The following DPYD variants were observed in gnomAD, a reference collection of about 807,000 sequenced individuals.
DPYD encodes the protein dihydropyrimidine dehydrogenase [NADP(+)].
Under a neutral mutation model 116.2 loss-of-function variants are expected in DPYD, and 109 were observed. The ratio of observed to expected loss-of-function variants is 0.94; its 90% confidence interval spans 0.80 to 1.10. The LOEUF (loss-of-function observed/expected upper bound fraction) is 1.10. Ranked by LOEUF, DPYD falls within the 50% of genes least tolerant of loss-of-function variation. The pLI is 0.00. For missense variants in DPYD, 1,302 were observed against 1,254.5 expected, an observed-to-expected ratio of 1.04 and a Z score of -0.57; for synonymous variants, 440 against 432.0, an observed-to-expected ratio of 1.02 and a Z score of -0.23.
At chr1:97,159,960 GT>G (rs1655769372) in intron 20 of DPYD, among the ~76,000 whole-genome samples, 2 of 151,650 alleles carry the variant, frequency 1.3e-5, no homozygotes, top group South Asian at 4.2e-4. Flanking sequence ...CCTCTCTCCT[GT>G]CCTTCTTTTC....
At chr1:97,800,774 A>T (rs1260004881) in intron 3 of DPYD, among the ~76,000 whole-genome samples, 1 of 151,874 alleles carries the variant, frequency 6.6e-6, no homozygotes, top group Non-Finnish European at 1.5e-5. Context: ...AGGAATCCCC[A>T]CAAGTGTAAC....
In DPYD at chr1:97,720,077, T is replaced by TC. The variant is rs974099419; in HGVS notation, c.483+1432dup. The TC allele has an allele frequency of 5.1e-6, 5 of 984,760 alleles. No homozygotes were observed. In the African/African-American group the frequency reaches 8.8e-5, roughly 17 times the overall value. 61.0% of individuals were successfully genotyped at this position (984,760 alleles called of 1,614,324 possible). A position where few individuals can be genotyped will look rare whatever the true frequency, so the allele number is the denominator to read the frequency against. On this transcript the variant is annotated intron_variant, in intron 5 of 22. Transcript: ENST00000370192. ...GTAAGAGTTCCCAGAGGGACAGTGTTCCCAGAGAAAAGAATTAAAACCATG... is the reference window on the plus strand; with the variant it reads ...GTAAGAGTTCCCAGAGGGACAGTGTTCCCCAGAGAAAAGAATTAAAACCATG...
intron 4 of DPYD, among the ~76,000 whole-genome samples, chr1:97,726,122 T>C (rs1484491891): frequency 2.6e-5 from 4 of 151,670 alleles, no homozygotes; most frequent in African/African-American, 9.6e-5. Flanking sequence ...CAATAAAACA[T>C]AACTTTTGGA....
At chr1:97,365,995 G>A (rs1367607944) in intron 16 of DPYD, among the ~76,000 whole-genome samples, 1 of 152,084 alleles carries the variant, frequency 6.6e-6, no homozygotes, top group Non-Finnish European at 1.5e-5. Flanking sequence ...AATATTTCCT[G>A]ACCTAGAACT....
intron 11 of DPYD, among the ~76,000 whole-genome samples, chr1:97,555,940 C>G (rs1210701931): frequency 6.6e-6 from 1 of 152,160 alleles, no homozygotes; most frequent in Admixed American, 6.6e-5. Context: ...AATTTAAAAC[C>G]ATTCCACATC....
intron 20 of DPYD, among the ~76,000 whole-genome samples, chr1:97,111,955 A>G (rs1249696395): frequency 1.1e-4 from 16 of 152,118 alleles, no homozygotes; most frequent in Admixed American, 1.0e-3. Flanking sequence ...ATAAGGTTGT[A>G]AAGATTATAT....
At chr1:97,508,199 A>G (rs533268111) in intron 13 of DPYD, among the ~76,000 whole-genome samples, 2 of 152,066 alleles carry the variant, frequency 1.3e-5, no homozygotes, top group East Asian at 1.9e-4. Context: ...AAAACAACCA[A>G]TGTAATGTGG....
intron 3 of DPYD, among the ~76,000 whole-genome samples, chr1:97,746,867 A>G (rs544139518): frequency 6.6e-6 from 1 of 152,188 alleles, no homozygotes; most frequent in East Asian, 1.9e-4. Flanking sequence ...AGTAACACTA[A>G]ACAACAATGA....
At chr1:97,463,881 G>A (rs1360949959) in intron 13 of DPYD, among the ~76,000 whole-genome samples, 1 of 152,142 alleles carries the variant, frequency 6.6e-6, no homozygotes, top group Non-Finnish European at 1.5e-5. Flanking sequence ...GCATTCAAGA[G>A]GTGACTTGGG....
At chr1:97,551,804 G>T (rs1481719186) in intron 11 of DPYD, among the ~76,000 whole-genome samples, 1 of 152,106 alleles carries the variant, frequency 6.6e-6, no homozygotes, top group South Asian at 2.1e-4. Context: ...ACTGTGCATT[G>T]AAAATATTTG....
chr1:97,096,976 C>T (rs1202357064), intron 21 of DPYD, among the ~76,000 whole-genome samples: 1 of 152,132 alleles, frequency 6.6e-6, no homozygotes, highest in Non-Finnish European at 1.5e-5. Context: ...TGGGCAGGAA[C>T]CAATTCCAGA....
intron 3 of DPYD, among the ~76,000 whole-genome samples, chr1:97,788,995 G>A (rs985731802): frequency 6.6e-6 from 1 of 151,986 alleles, no homozygotes; most frequent in South Asian, 2.1e-4. Flanking sequence ...GTAGAGATGG[G>A]GTTTCACCAC....
intron 7 of DPYD, among the ~76,000 whole-genome samples, chr1:97,684,453 T>C (rs907783431): frequency 2.6e-5 from 4 of 152,038 alleles, no homozygotes. Flanking sequence ...CTTCCAATTA[T>C]GTGATCGATT....
intron 13 of DPYD, among the ~76,000 whole-genome samples, chr1:97,510,122 A>C (rs868185): frequency 0.028 from 4,215 of 152,002 alleles, 189 homozygotes; most frequent in African/African-American, 0.087. Context: ...ACAACAAAAA[A>C]AAAAAAACTC....
chr1:97,641,227 T>G (rs151122402), intron 8 of DPYD, among the ~76,000 whole-genome samples: 1 of 152,136 alleles, frequency 6.6e-6, no homozygotes. Flanking sequence ...CACCCAGATA[T>G]TGTACACAGT....
At chr1:97,861,839 A>G (rs1571488243) in intron 2 of DPYD, among the ~76,000 whole-genome samples, 1 of 152,042 alleles carries the variant, frequency 6.6e-6, no homozygotes, top group East Asian at 1.9e-4. Flanking sequence ...CTGTGGAAGT[A>G]TAAATAGCAT....
intron 12 of DPYD, among the ~76,000 whole-genome samples, chr1:97,525,978 A>AGTGTGT (rs71071658): frequency 0.064 from 8,872 of 138,092 alleles, 324 homozygotes; most frequent in Non-Finnish European, 0.084. Flanking sequence ...GGTAATTAAG[A>AGTGTGT]GTGTGTGTGT....
intron 8 of DPYD, among the ~76,000 whole-genome samples, chr1:97,626,979 T>C (rs938076846): frequency 6.6e-6 from 1 of 152,058 alleles, no homozygotes; most frequent in African/African-American, 2.4e-5. Context: ...CAGAAACTCA[T>C]GTCTCATAGT....
chr1:97,485,795 C>T lies in DPYD; in HGVS notation c.1740+29931G>A, dbSNP rs973931429. On this transcript the variant is annotated intron_variant, in intron 13 of 22. Transcript: ENST00000370192. ...GCCCCCAGATAGTTTCAGATATCTGCAGTTGGCTAAGTAACTTACAATTAG... is the reference window on the plus strand; with the variant it reads ...GCCCCCAGATAGTTTCAGATATCTGTAGTTGGCTAAGTAACTTACAATTAG... 2.0e-5 allele frequency among the ~76,000 whole-genome samples: 3 copies of T among 152,282 alleles called. No homozygotes were observed. The East Asian group carries it at 5.8e-4, about 29-fold the overall frequency.
Sources: allele counts gnomAD v4.1 joint callset (sites outside exome capture counted in the v4.1 genomes callset), GRCh38; gene constraint gnomAD v4.1.1; transcripts MANE v1.5; gene names NCBI Gene and HGNC (gene_info 2026-07-23, HGNC 2026-07-21).